The following AIMP2 variants were observed in gnomAD, a reference collection of about 807,000 sequenced individuals.
AIMP2 encodes aminoacyl tRNA synthetase complex interacting multifunctional protein 2, also known as aminoacyl tRNA synthase complex-interacting multifunctional protein 2.
AIMP2 carries 20 observed loss-of-function variants against 23.4 expected under a neutral mutation model. The ratio of observed to expected loss-of-function variants is 0.85; its 90% confidence interval spans 0.60 to 1.24. The LOEUF is 1.24. AIMP2 is among the 50% of genes most tolerant of loss of function. AIMP2 has a pLI of 0.00. For synonymous variants in AIMP2, 210 were observed against 170.4 expected (o/e 1.23, Z -1.81); for missense variants, 515 against 414.5 (o/e 1.24, Z -2.10).
At chr7:6,016,037 G>A (rs1354935394) in intron 2 of AIMP2, among the ~76,000 whole-genome samples, 3 of 152,190 alleles carry the variant, frequency 2.0e-5, no homozygotes, top group Non-Finnish European at 4.4e-5. Flanking sequence ...AGCAGAGGCA[G>A]CCCGGACTCT....
chr7:6,023,735 G>A lies in AIMP2; in HGVS notation c.*44G>A, dbSNP rs1279426417. On this transcript the variant is annotated 3_prime_UTR_variant, in exon 4 of 4. Coordinates refer to ENST00000223029, the MANE Select transcript of AIMP2 (RefSeq NM_006303.4). ...AAAGGGTTTAGATTTTAAGAATGGT[G>A]CTCTTTCATGCCTATTATCAGTAAG... The A allele has an allele frequency of 6.2e-7, 1 of 1,613,744 alleles. No individual in the cohort carries two copies. Among genetic ancestry groups the A allele is most frequent in the South Asian group, 1.1e-5 (1 of 90,914 alleles).
intron 3 of AIMP2, among the ~76,000 whole-genome samples, chr7:6,021,296 G>A (rs141232108): frequency 0.027 from 3,656 of 133,486 alleles, 145 homozygotes; most frequent in African/African-American, 0.095. Context: ...GTGAGATCGC[G>A]CCACTGCACT....
rs150409202 is a variant in AIMP2 at position 6,018,473 on chromosome 7, A to G, written c.574+428A>G. On this transcript the variant is annotated intron_variant, in intron 3 of 3. Transcript: ENST00000223029. Reference sequence around the variant, plus strand: ...CTCATGTGGATTTTTTTCAATAACTATCTTGGAAAATTTTTTGGAGATTTG... The same window carrying G: ...CTCATGTGGATTTTTTTCAATAACTGTCTTGGAAAATTTTTTGGAGATTTG... Among the ~76,000 whole-genome samples the G allele has an allele frequency of 7.3e-5, 11 of 151,336 alleles. No individual in the cohort carries two copies. In the South Asian group the frequency reaches 8.4e-4, roughly 12 times the overall value.
At chr7:6,011,694 A>T (rs1286465284) in intron 1 of AIMP2, among the ~76,000 whole-genome samples, 1 of 152,220 alleles carries the variant, frequency 6.6e-6, no homozygotes, top group Non-Finnish European at 1.5e-5. Context: ...TAGCAGACAT[A>T]GTTCAATGGT....
chr7:6,016,215 T>G (rs1420078278), intron 2 of AIMP2, among the ~76,000 whole-genome samples: 3 of 152,214 alleles, frequency 2.0e-5, no homozygotes, highest in Non-Finnish European at 4.4e-5. Context: ...CTCTCATGAT[T>G]GAAGTTTACA....
At chr7:6,012,706 C>G in intron 1 of AIMP2, 1 of 503,264 alleles carries the variant, frequency 2.0e-6, no homozygotes, top group Middle Eastern at 6.0e-4. Context: ...ATTACAGGTG[C>G]CCCCCACCAA....
chr7:6,009,974 A>AAAAATACATATATATATATATATAT, intron 1 of AIMP2, among the ~76,000 whole-genome samples: 1 of 26,660 alleles, frequency 3.8e-5, no homozygotes, highest in African/African-American at 1.4e-4. Flanking sequence ...AAAAAAAAAA[A>AAAAATACATATATATATATATATAT]ATATATATAT....
chr7:6,016,148 C>T (rs185831368), intron 2 of AIMP2, among the ~76,000 whole-genome samples: 8 of 152,304 alleles, frequency 5.3e-5, no homozygotes, highest in Admixed American at 6.5e-5. Flanking sequence ...TCTCATATTT[C>T]AAATGCGTTT....
chr7:6,010,035 G>A (rs189973153), intron 1 of AIMP2, among the ~76,000 whole-genome samples: 59 of 140,836 alleles, frequency 4.2e-4, no homozygotes, highest in Non-Finnish European at 7.4e-4. Context: ...CACGCCTGGA[G>A]TCTCAGCGCT....
At chr7:6,009,521 C>G in intron 1 of AIMP2, 23 bp downstream of exon 1, 1 of 1,451,280 alleles carries the variant, frequency 6.9e-7, no homozygotes, top group East Asian at 2.7e-5. Flanking sequence ...GGCCCCCCGC[C>G]CAGTGCGCAC....
Position 6,009,966 on chromosome 7 carries a change from A to ATAT in AIMP2, c.135+468_135+469insTAT, listed in dbSNP as rs1162854647. Among the ~76,000 whole-genome samples the ATAT allele has an allele frequency of 9.6e-3, 387 of 40,148 alleles. 21 individuals carry two copies. The highest frequency in any genetic ancestry group is 0.033 in the African/African-American group (355 of 10,602). The allele number at this position is 40,148 out of a possible 152,430, so 26.3% of individuals were successfully genotyped here. A position where few individuals can be genotyped will look rare whatever the true frequency, so the allele number is the denominator to read the frequency against. ...CTCTATCTCAAAAAAAAAAAAAAAAAAAAAAAAAATATATATATATATATA... is the reference window on the plus strand; with the variant it reads ...CTCTATCTCAAAAAAAAAAAAAAAAATATAAAAAAAAATATATATATATATATA... On this transcript the variant is annotated intron_variant, in intron 1 of 3. Coordinates refer to ENST00000223029, the MANE Select transcript of AIMP2 (RefSeq NM_006303.4).
chr7:6,018,560 G>T (rs757984740), intron 3 of AIMP2, among the ~76,000 whole-genome samples: 1 of 151,878 alleles, frequency 6.6e-6, no homozygotes, highest in Non-Finnish European at 1.5e-5. Flanking sequence ...ACAAGGCCAC[G>T]CGCAGGGGCT....
In AIMP2 at chr7:6,017,950, G is replaced by C; in HGVS notation, c.479G>C (p.Ser160Thr). Reference protein sequence around the residue: ...STVHTHSSVKSVPENLLKCFG... With the variant: ...STVHTHSSVKTVPENLLKCFG... ...GTGCACACGCACTCCTCGGTCAAGAGCGTGCCTGAAAACCTTCTCAAGTGC... is the reference window on the plus strand; with the variant it reads ...GTGCACACGCACTCCTCGGTCAAGACCGTGCCTGAAAACCTTCTCAAGTGC... The change falls in exon 3 of 4, where the codon AGC (serine) becomes ACC (threonine). Residue 160 changes from serine to threonine, a missense_variant. Coordinates refer to ENST00000223029, the MANE Select transcript of AIMP2 (RefSeq NM_006303.4). 1 of 1,614,002 alleles carries C rather than the reference G, an allele frequency of 6.2e-7. No homozygotes were observed. Among genetic ancestry groups the C allele is most frequent in the Non-Finnish European group, 8.5e-7 (1 of 1,180,018 alleles).
At position 6,015,608 on chromosome 7, in the gene AIMP2, C is replaced by T. The variant is rs571743345; in HGVS notation, c.342+256C>T. Among the ~76,000 whole-genome samples the T allele has an allele frequency of 3.5e-3, 532 of 152,314 alleles. 1 individual carries two copies. The highest frequency in any genetic ancestry group is 0.012 in the African/African-American group (509 of 41,570). ...GCGTGGTGGCGGGCACCTGTAGTCC[C>T]AGCTACTCGGGAGGCTGAGGCAGGA... On this transcript the variant is annotated intron_variant, in intron 2 of 3. Coordinates refer to ENST00000223029, the MANE Select transcript of AIMP2 (RefSeq NM_006303.4).
chr7:6,012,665 T>G, intron 1 of AIMP2: 1 of 371,658 alleles, frequency 2.7e-6, no homozygotes, highest in South Asian at 1.9e-5. Context: ...TCAAGCAATT[T>G]TCTCCTGCCT....
intron 3 of AIMP2, among the ~76,000 whole-genome samples, chr7:6,020,659 A>G (rs941712282): frequency 3.3e-5 from 5 of 152,224 alleles, no homozygotes; most frequent in African/African-American, 1.2e-4. Flanking sequence ...GCTTCCGCCA[A>G]CCAAGAGGCA....
rs528137967 is a variant in AIMP2 at position 6,018,055 on chromosome 7, C to T, written c.574+10C>T. 5.3e-5 allele frequency: 85 copies of T among 1,603,764 alleles called. No homozygotes were observed. The South Asian group carries it at 7.0e-4, about 13-fold the overall frequency. On this transcript the variant is annotated intron_variant, in intron 3 of 3. Coordinates refer to ENST00000223029, the MANE Select transcript of AIMP2 (RefSeq NM_006303.4). The stretch of plus-strand genomic sequence containing the variant: ...TTAATTTGGAAGAATGGTAAGTAGA[C>T]GGGACTGAGTTCAACTTACACACAG...
intron 1 of AIMP2, among the ~76,000 whole-genome samples, chr7:6,014,319 G>A (rs1258649015): frequency 2.1e-5 from 3 of 139,944 alleles, no homozygotes; most frequent in Admixed American, 7.8e-5. Context: ...GTTCAGTGGT[G>A]CGATCTTGGC....
intron 3 of AIMP2, among the ~76,000 whole-genome samples, chr7:6,018,990 C>CACACACACACACACACACACAA (rs767819752): frequency 5.6e-5 from 8 of 143,730 alleles, no homozygotes; most frequent in East Asian, 2.0e-4. Flanking sequence ...CACACACACA[C>CACACACACACACACACACACAA]AATACATGGC....
Sources: gnomAD v4.1 joint callset for allele counts (sites outside exome capture counted in the v4.1 genomes callset) on GRCh38, gnomAD v4.1.1 for gene constraint, MANE v1.5 for transcripts, NCBI Gene and HGNC (gene_info 2026-07-23, HGNC 2026-07-21) for gene names.